SFN: variants seen among roughly 807,000 people sequenced by gnomAD.
The protein encoded by SFN is 14-3-3 protein sigma.
SFN carries 5 observed loss-of-function variants against 19.1 expected under a neutral mutation model. That is an observed-to-expected ratio of 0.26 (90% confidence interval 0.14 to 0.55). The LOEUF is 0.55. Ranked by LOEUF, SFN falls within the 20% of genes least tolerant of loss-of-function variation. SFN has a pLI of 0.94. For missense variants in SFN, 287 were observed against 330.0 expected, an observed-to-expected ratio of 0.87 and a Z score of 1.01; for synonymous variants, 130 against 140.9, an observed-to-expected ratio of 0.92 and a Z score of 0.55.
chr1:26,864,058 T>C lies in SFN; in HGVS notation c.*99T>C. On this transcript the variant is annotated 3_prime_UTR_variant, in exon 1 of 1. Transcript: ENST00000339276. This position sits in a 1 kb window ranked among gnomAD's most constrained non-coding sequence, Gnocchi z 5.2. ...GGCCCCACCCTTCTCCCCTAGGCGC[T>C]GTTCTTGCTCCAAAGGGCTCCGTGG... 9.1e-7 allele frequency: 1 copy of C among 1,104,156 alleles called. No individual in the cohort carries two copies. Among genetic ancestry groups the C allele is most frequent in the Non-Finnish European group, 1.3e-6 (1 of 785,846 alleles). 68.4% of individuals were successfully genotyped at this position (1,104,156 alleles called of 1,614,324 possible).
chr1:26,864,364 T>C lies in SFN; in HGVS notation c.*405T>C, dbSNP rs112547702. 3,944 of 186,968 alleles carry C rather than the reference T, an allele frequency of 0.021. 64 individuals carry two copies. Among genetic ancestry groups the C allele is most frequent in the African/African-American group, 0.044 (1,808 of 40,878 alleles). The allele number at this position is 186,968 out of a possible 1,614,324, so 11.6% of individuals were successfully genotyped here. A position where few individuals can be genotyped will look rare whatever the true frequency, so the allele number is the denominator to read the frequency against. On this transcript the variant is annotated 3_prime_UTR_variant, in exon 1 of 1. Coordinates refer to ENST00000339276, the MANE Select transcript of SFN (RefSeq NM_006142.5). This position sits in a 1 kb window ranked among gnomAD's most constrained non-coding sequence, Gnocchi z 5.2. Reference sequence around the variant, plus strand: ...GTGTGTGTGTGTGTGTGTGTGTGTGTGCGCGCGCGCCAGTGCAAGACCGAG... The same window carrying C: ...GTGTGTGTGTGTGTGTGTGTGTGTGCGCGCGCGCGCCAGTGCAAGACCGAG...
chr1:26,863,445 G>A lies in SFN; in HGVS notation c.233G>A (p.Gly78Glu), dbSNP rs2081769054. Residue 78 changes from glycine (G) to glutamate (E), a missense_variant, in exon 1 of 1, where the codon GGG becomes GAG. By Grantham distance (98) the Gly-to-Glu change is moderately conservative. Coordinates refer to ENST00000339276, the MANE Select transcript of SFN (RefSeq NM_006142.5). The surrounding 1 kb of genome is among the most constrained non-coding windows in gnomAD (Gnocchi z 7.4). ...KSNEEGSEEK[G>E]PEVREYREKV... ...AACGAGGAGGGCTCGGAGGAGAAGG[G>A]GCCCGAGGTGCGTGAGTACCGGGAG... 1 of 1,614,010 alleles carries A rather than the reference G, an allele frequency of 6.2e-7. No homozygotes were observed. Among genetic ancestry groups the A allele is most frequent in the Non-Finnish European group, 8.5e-7 (1 of 1,180,020 alleles).
rs1216895923 is a variant in SFN at position 26,864,000 on chromosome 1, C to T, written c.*41C>T. ...GCCCCGCCCTGCCCCCTCCAGTCCC[C>T]CACCCTGCCGAGAGGACTAGTATGG... On this transcript the variant is annotated 3_prime_UTR_variant, in exon 1 of 1. Coordinates refer to ENST00000339276, the MANE Select transcript of SFN (RefSeq NM_006142.5). This position sits in a 1 kb window ranked among gnomAD's most constrained non-coding sequence, Gnocchi z 7.4. 1 of 1,496,888 alleles carries T rather than the reference C, an allele frequency of 6.7e-7. No homozygotes were observed. 92.7% of individuals were successfully genotyped at this position (1,496,888 alleles called of 1,614,324 possible). A position where few individuals can be genotyped will look rare whatever the true frequency, so the allele number is the denominator to read the frequency against.
At position 26,863,700 on chromosome 1, in the gene SFN, C is replaced by T. The variant is rs1468889117; in HGVS notation, c.488C>T (p.Pro163Leu). ...EAMDISKKEM[P>L]PTNPIRLGLA... ...ATGGACATCAGCAAGAAGGAGATGC[C>T]GCCCACCAACCCCATCCGCCTGGGC... The change falls in exon 1 of 1, where the codon CCG (proline) becomes CTG (leucine). Residue 163 changes from proline to leucine, a missense_variant. By Grantham distance (98) the Pro-to-Leu change is moderately conservative. Coordinates refer to ENST00000339276, the MANE Select transcript of SFN (RefSeq NM_006142.5). This position sits in a 1 kb window ranked among gnomAD's most constrained non-coding sequence, Gnocchi z 7.4. The T allele has an allele frequency of 3.1e-6, 5 of 1,614,040 alleles. No homozygotes were observed. The highest frequency in any genetic ancestry group is 2.2e-5 in the East Asian group (1 of 44,882).
chr1:26,863,758 G>C lies in SFN; in HGVS notation c.546G>C (p.Glu182Asp), dbSNP rs1242119597. The C allele has an allele frequency of 6.2e-7, 1 of 1,614,106 alleles. No homozygotes were observed. The highest frequency in any genetic ancestry group is 8.5e-7 in the Non-Finnish European group (1 of 1,180,010). The change falls in exon 1 of 1, where the codon GAG becomes GAC. Residue 182 changes from glutamate to aspartate, a missense_variant. Glu to Asp is a conservative substitution (Grantham distance 45, BLOSUM62 2). Coordinates refer to ENST00000339276, the MANE Select transcript of SFN (RefSeq NM_006142.5). The surrounding 1 kb of genome is among the most constrained non-coding windows in gnomAD (Gnocchi z 7.4). ...TGAACTTTTCCGTCTTCCACTACGAGATCGCCAACAGCCCCGAGGAGGCCA... is the reference window on the plus strand; with the variant it reads ...TGAACTTTTCCGTCTTCCACTACGACATCGCCAACAGCCCCGAGGAGGCCA... ...LALNFSVFHY[E>D]IANSPEEAIS... is the part of the protein sequence containing the mutation.
At position 26,863,932 on chromosome 1, in the gene SFN, C is replaced by A; in HGVS notation, c.720C>A (p.Gly240=). 6.2e-7 allele frequency: 1 copy of A among 1,612,744 alleles called. No individual in the cohort carries two copies. ...CCGACAACGCCGGGGAAGAGGGGGG[C>A]GAGGCTCCCCAGGAGCCCCAGAGCT... ...WTADNAGEEG[G]EAPQEPQS The change falls in exon 1 of 1, where the codon GGC becomes GGA. Residue 240 remains glycine (G), a synonymous_variant. Transcript: ENST00000339276. The surrounding 1 kb of genome is among the most constrained non-coding windows in gnomAD (Gnocchi z 7.4).
Position 26,863,904 on chromosome 1 carries a change from C to T in SFN, c.692C>T (p.Thr231Met). ...CTGCGAGACAACCTGACACTGTGGA[C>T]GGCCGACAACGCCGGGGAAGAGGGG... ...QLLRDNLTLWTADNAGEEGGE... is the reference protein window; with the variant it reads ...QLLRDNLTLWMADNAGEEGGE... Residue 231 changes from threonine to methionine, a missense_variant, in exon 1 of 1, where the codon ACG becomes ATG. Transcript: ENST00000339276. The surrounding 1 kb of genome is among the most constrained non-coding windows in gnomAD (Gnocchi z 7.4). The T allele has an allele frequency of 6.2e-7, 1 of 1,614,022 alleles. No homozygotes were observed.
chr1:26,863,769 G>A lies in SFN; in HGVS notation c.557G>A (p.Ser186Asn), dbSNP rs960404854. The change falls in exon 1 of 1, where the codon AGC becomes AAC. Residue 186 changes from serine (S) to asparagine (N), a missense_variant. Transcript: ENST00000339276. The surrounding 1 kb of genome is among the most constrained non-coding windows in gnomAD (Gnocchi z 7.4). ...GTCTTCCACTACGAGATCGCCAACAGCCCCGAGGAGGCCATCTCTCTGGCC... is the reference window on the plus strand; with the variant it reads ...GTCTTCCACTACGAGATCGCCAACAACCCCGAGGAGGCCATCTCTCTGGCC... ...FSVFHYEIAN[S>N]PEEAISLAKT... 6.2e-7 allele frequency: 1 copy of A among 1,613,994 alleles called. No individual in the cohort carries two copies. Among genetic ancestry groups the A allele is most frequent in the Admixed American group, 1.7e-5 (1 of 59,986 alleles).
chr1:26,864,159 A>G lies in SFN; in HGVS notation c.*200A>G, dbSNP rs891443405. On this transcript the variant is annotated 3_prime_UTR_variant, in exon 1 of 1. Transcript: ENST00000339276. This position sits in a 1 kb window ranked among gnomAD's most constrained non-coding sequence, Gnocchi z 5.2. ...TTGCAGCTGTTGAGCGCACCTAACC[A>G]CTGGTCATGCCCCCACCCCTGCTCT... 3.8e-5 allele frequency: 22 copies of G among 583,794 alleles called. No homozygotes were observed. Among genetic ancestry groups the G allele is most frequent in the Admixed American group, 9.4e-5 (3 of 31,756 alleles). The allele number at this position is 583,794 out of a possible 1,614,324, so 36.2% of individuals were successfully genotyped here. A position where few individuals can be genotyped will look rare whatever the true frequency, so the allele number is the denominator to read the frequency against.
At position 26,864,247 on chromosome 1, in the gene SFN, T is replaced by C; in HGVS notation, c.*288T>C. On this transcript the variant is annotated 3_prime_UTR_variant, in exon 1 of 1. Transcript: ENST00000339276. The surrounding 1 kb of genome is among the most constrained non-coding windows in gnomAD (Gnocchi z 5.2). ...TTCTCCCCTCCTCTTGCCTCCCTCC[T>C]GCCCCTGCTGCCTCTGATCGTAGGA... 1 of 454,556 alleles carries C rather than the reference T, an allele frequency of 2.2e-6. No individual in the cohort carries two copies. Among genetic ancestry groups the C allele is most frequent in the Non-Finnish European group, 4.2e-6 (1 of 240,238 alleles). The allele number at this position is 454,556 out of a possible 1,614,324, so 28.2% of individuals were successfully genotyped here.
At position 26,863,446 on chromosome 1, in the gene SFN, G is replaced by C. The variant is rs2081769066; in HGVS notation, c.234G>C (p.Gly78=). The part of the protein sequence containing the change: ...KSNEEGSEEK[G]PEVREYREKV... ...ACGAGGAGGGCTCGGAGGAGAAGGGGCCCGAGGTGCGTGAGTACCGGGAGA... is the reference window on the plus strand; with the variant it reads ...ACGAGGAGGGCTCGGAGGAGAAGGGCCCCGAGGTGCGTGAGTACCGGGAGA... Residue 78 remains glycine (G), a synonymous_variant, in exon 1 of 1, where the codon GGG becomes GGC. Transcript: ENST00000339276. This position sits in a 1 kb window ranked among gnomAD's most constrained non-coding sequence, Gnocchi z 7.4. The C allele has an allele frequency of 6.2e-7, 1 of 1,614,050 alleles. No individual in the cohort carries two copies.
Position 26,863,416 on chromosome 1 carries a change from A to G in SFN, c.204A>G (p.Lys68=). ...GGGTGCTGTCCAGTATTGAGCAGAA[A>G]AGCAACGAGGAGGGCTCGGAGGAGA... ...AWRVLSSIEQ[K]SNEEGSEEKG... is the part of the protein sequence containing the mutation. Residue 68 remains lysine, a synonymous_variant, in exon 1 of 1, where the codon AAA becomes AAG. Transcript: ENST00000339276. The surrounding 1 kb of genome is among the most constrained non-coding windows in gnomAD (Gnocchi z 7.4). 1.2e-6 allele frequency: 2 copies of G among 1,614,146 alleles called. No homozygotes were observed. The highest frequency in any genetic ancestry group is 1.7e-6 in the Non-Finnish European group (2 of 1,180,020).
rs771470940 is a variant in SFN at position 26,863,193 on chromosome 1, G to A, written c.-20G>A. On this transcript the variant is annotated 5_prime_UTR_variant, in exon 1 of 1. Coordinates refer to ENST00000339276, the MANE Select transcript of SFN (RefSeq NM_006142.5). The surrounding 1 kb of genome is among the most constrained non-coding windows in gnomAD (Gnocchi z 7.4). ...CCAGGCAGCAGTTAGCCCGCCGCCC[G>A]CCTGTGTGTCCCCAGAGCCATGGAG... is the stretch of plus-strand genomic sequence containing the variant. The A allele has an allele frequency of 6.8e-6, 11 of 1,611,890 alleles. No individual in the cohort carries two copies. Among genetic ancestry groups the A allele is most frequent in the East Asian group, 6.7e-5 (3 of 44,832 alleles).
chr1:26,864,351 G>GTT lies in SFN; in HGVS notation c.*393_*394insTT. 4.6e-6 allele frequency: 1 copy of GTT among 218,528 alleles called. No individual in the cohort carries two copies. Among genetic ancestry groups the GTT allele is most frequent in the South Asian group, 1.1e-4 (1 of 9,288 alleles). 13.5% of individuals were successfully genotyped at this position (218,528 alleles called of 1,614,324 possible). On this transcript the variant is annotated 3_prime_UTR_variant, in exon 1 of 1. Coordinates refer to ENST00000339276, the MANE Select transcript of SFN (RefSeq NM_006142.5). The surrounding 1 kb of genome is among the most constrained non-coding windows in gnomAD (Gnocchi z 5.2). The stretch of plus-strand genomic sequence containing the variant: ...GATGGGTGTGTGTGTGTGTGTGTGT[G>GTT]TGTGTGTGTGTGTGCGCGCGCGCCA...
In SFN at chr1:26,864,107, C is replaced by T. The variant is rs2081774451; in HGVS notation, c.*148C>T. 13 of 708,524 alleles carry T rather than the reference C, an allele frequency of 1.8e-5. No homozygotes were observed. Among genetic ancestry groups the T allele is most frequent in the Non-Finnish European group, 3.1e-5 (13 of 425,060 alleles). The allele number at this position is 708,524 out of a possible 1,614,324, so 43.9% of individuals were successfully genotyped here. A position where few individuals can be genotyped will look rare whatever the true frequency, so the allele number is the denominator to read the frequency against. ...GGAGAGGGACTGGCAGAGCTGAGGC[C>T]ACCTGGGGCTGGGGATCCCACTCTT... On this transcript the variant is annotated 3_prime_UTR_variant, in exon 1 of 1. Coordinates refer to ENST00000339276, the MANE Select transcript of SFN (RefSeq NM_006142.5). This position sits in a 1 kb window ranked among gnomAD's most constrained non-coding sequence, Gnocchi z 5.2.
chr1:26,863,527 C>A lies in SFN; in HGVS notation c.315C>A (p.Ser105Arg), dbSNP rs760421743. The A allele has an allele frequency of 3.7e-6, 6 of 1,613,784 alleles. No individual in the cohort carries two copies. Among genetic ancestry groups the A allele is most frequent in the Non-Finnish European group, 4.2e-6 (5 of 1,179,908 alleles). Reference protein sequence around the residue: ...VCDTVLGLLDSHLIKEAGDAE... With the variant: ...VCDTVLGLLDRHLIKEAGDAE... ...ACACCGTGCTGGGCCTGCTGGACAG[C>A]CACCTCATCAAGGAGGCCGGGGACG... The change falls in exon 1 of 1, where the codon AGC (serine) becomes AGA (arginine). Residue 105 changes from serine (S) to arginine (R), a missense_variant. Coordinates refer to ENST00000339276, the MANE Select transcript of SFN (RefSeq NM_006142.5). The surrounding 1 kb of genome is among the most constrained non-coding windows in gnomAD (Gnocchi z 7.4).
At position 26,863,688 on chromosome 1, in the gene SFN, A is replaced by G. The variant is rs1557650158; in HGVS notation, c.476A>G (p.Lys159Arg). Residue 159 changes from lysine (K) to arginine (R), a missense_variant, in exon 1 of 1, where the codon AAG becomes AGG. Physicochemically the swap from Lys to Arg is conservative, Grantham distance 26 (BLOSUM62 2). Transcript: ENST00000339276. This position sits in a 1 kb window ranked among gnomAD's most constrained non-coding sequence, Gnocchi z 7.4. ...SAYQEAMDIS[K>R]KEMPPTNPIR... ...TACCAGGAGGCCATGGACATCAGCA[A>G]GAAGGAGATGCCGCCCACCAACCCC... 8 of 1,613,910 alleles carry G rather than the reference A, an allele frequency of 5.0e-6. No homozygotes were observed. Among genetic ancestry groups the G allele is most frequent in the Non-Finnish European group, 6.8e-6 (8 of 1,179,988 alleles).
In SFN at chr1:26,863,969, G is replaced by GC; in HGVS notation, c.*12dup. ...GGAGCCCCAGAGCTGAGTGTTGCCC[G>GC]CCACCGCCCCGCCCTGCCCCCTCCA... is the stretch of plus-strand genomic sequence containing the variant. On this transcript the variant is annotated 3_prime_UTR_variant, in exon 1 of 1. Coordinates refer to ENST00000339276, the MANE Select transcript of SFN (RefSeq NM_006142.5). The surrounding 1 kb of genome is among the most constrained non-coding windows in gnomAD (Gnocchi z 7.4). 2.5e-6 allele frequency: 4 copies of GC among 1,577,862 alleles called. No homozygotes were observed. The highest frequency in any genetic ancestry group is 3.5e-6 in the Non-Finnish European group (4 of 1,158,194).
Position 26,863,362 on chromosome 1 carries a change from C to G in SFN, c.150C>G (p.Asn50Lys). The change falls in exon 1 of 1, where the codon AAC becomes AAG. Residue 50 changes from asparagine (N) to lysine (K), a missense_variant. By Grantham distance (94) the Asn-to-Lys change is moderately conservative (BLOSUM62 0). Transcript: ENST00000339276. This position sits in a 1 kb window ranked among gnomAD's most constrained non-coding sequence, Gnocchi z 7.4. ...ACCTGCTCTCAGTAGCCTATAAGAA[C>G]GTGGTGGGCGGCCAGAGGGCTGCCT... is the stretch of plus-strand genomic sequence containing the variant. ...ERNLLSVAYKNVVGGQRAAWR... is the reference protein window; with the variant it reads ...ERNLLSVAYKKVVGGQRAAWR... 6.2e-7 allele frequency: 1 copy of G among 1,614,002 alleles called. No homozygotes were observed. Among genetic ancestry groups the G allele is most frequent in the Non-Finnish European group, 8.5e-7 (1 of 1,179,900 alleles).
Sources: allele counts gnomAD v4.1 joint callset, GRCh38; gene constraint gnomAD v4.1.1; non-coding constraint Gnocchi (gnomAD v3.1); transcripts MANE v1.5; gene names NCBI Gene and HGNC (gene_info 2026-07-23, HGNC 2026-07-21).